Variants in BICD1 observed in about 807,000 individuals in gnomAD.
BICD1 encodes the protein protein bicaudal D homolog 1.
Under a neutral mutation model 92.5 loss-of-function variants are expected in BICD1, and 35 were observed. That is an observed-to-expected ratio of 0.38 (90% CI 0.29 to 0.50). The LOEUF is 0.50. BICD1 is among the 20% of genes least tolerant of loss of function. The pLI is 0.93. For missense variants in BICD1, 950 were observed against 1,189.8 expected (o/e 0.80, Z 2.97); for synonymous variants, 429 against 465.1 (o/e 0.92, Z 1.00).
At chr12:32,340,270 T>C in intron 8 of BICD1, 2 of 985,342 alleles carry the variant, frequency 2.0e-6, no homozygotes, top group Non-Finnish European at 2.4e-6. Flanking sequence ...TGATAATGAG[T>C]TGGAATGGTG....
intron 1 of BICD1, among the ~76,000 whole-genome samples, chr12:32,153,862 T>C (rs1047584461): frequency 6.6e-6 from 1 of 151,414 alleles, no homozygotes; most frequent in Non-Finnish European, 1.5e-5. Flanking sequence ...AAACATCATG[T>C]ATATATGATG....
chr12:32,331,749 G>T (rs1937881888), intron 5 of BICD1, among the ~76,000 whole-genome samples: 1 of 152,150 alleles, frequency 6.6e-6, no homozygotes, highest in Non-Finnish European at 1.5e-5. Context: ...GATTAAGGAT[G>T]CTCAACCTGT....
chr12:32,298,700 G>A (rs1239574), intron 3 of BICD1, among the ~76,000 whole-genome samples: 53,251 of 149,598 alleles, frequency 0.36, 10,106 homozygotes, highest in Non-Finnish European at 0.44. Flanking sequence ...GAGAAACCCC[G>A]TCTCTACTAA....
chr12:32,186,991 T>C (rs1185532390), intron 1 of BICD1, among the ~76,000 whole-genome samples: 1 of 152,200 alleles, frequency 6.6e-6, no homozygotes, highest in East Asian at 1.9e-4. Flanking sequence ...GCTCAGTGAA[T>C]TTGGGCAGGT....
intron 4 of BICD1, among the ~76,000 whole-genome samples, chr12:32,323,809 T>C (rs1948711274): frequency 1.3e-5 from 2 of 152,210 alleles, no homozygotes; most frequent in South Asian, 4.1e-4. Context: ...ACTGAAACCA[T>C]GCAAAACAAA....
intron 2 of BICD1, among the ~76,000 whole-genome samples, chr12:32,228,584 C>T (rs909808592): frequency 1.5e-4 from 23 of 152,140 alleles, no homozygotes; most frequent in African/African-American, 5.6e-4. Context: ...TTACTGCAGT[C>T]ATCCAGATAT....
chr12:32,241,052 T>A (rs1946222590), intron 2 of BICD1, among the ~76,000 whole-genome samples: 1 of 152,160 alleles, frequency 6.6e-6, no homozygotes, highest in African/African-American at 2.4e-5. Context: ...TATTACCCTC[T>A]TATTGTGATG....
chr12:32,172,711 G>C (rs1383437196), intron 1 of BICD1, among the ~76,000 whole-genome samples: 1 of 152,086 alleles, frequency 6.6e-6, no homozygotes, highest in Admixed American at 6.5e-5. Flanking sequence ...TGCTGACCTG[G>C]GTAGGACAGG....
intron 1 of BICD1, among the ~76,000 whole-genome samples, chr12:32,127,999 G>A (rs1942404995): frequency 6.6e-6 from 1 of 151,776 alleles, no homozygotes; most frequent in African/African-American, 2.4e-5. Context: ...TGCCTCCGAG[G>A]CTCCAGTGAT....
intron 8 of BICD1, among the ~76,000 whole-genome samples, chr12:32,360,074 A>G (rs1225457957): frequency 6.6e-6 from 1 of 151,854 alleles, no homozygotes; most frequent in African/African-American, 2.4e-5. Flanking sequence ...AGTCCCAGCT[A>G]CTCGGGAGGC....
At chr12:32,221,279 A>G (rs1359933541) in intron 2 of BICD1, among the ~76,000 whole-genome samples, 1 of 151,596 alleles carries the variant, frequency 6.6e-6, no homozygotes, top group East Asian at 1.9e-4. Flanking sequence ...TTTAAAAAAA[A>G]ATGTAAAATG....
intron 1 of BICD1, among the ~76,000 whole-genome samples, chr12:32,159,458 A>G (rs1025892772): frequency 6.6e-5 from 10 of 152,178 alleles, no homozygotes; most frequent in Non-Finnish European, 1.5e-5. Flanking sequence ...CACACTGCAC[A>G]TCCCAGGACC....
At chr12:32,351,292 C>T (rs1164112862) in intron 8 of BICD1, among the ~76,000 whole-genome samples, 1 of 150,838 alleles carries the variant, frequency 6.6e-6, no homozygotes, top group African/African-American at 2.4e-5. Context: ...TCAAGAGCAG[C>T]CTGGCCAACA....
At chr12:32,296,290 G>A (rs1451125462) in intron 3 of BICD1, among the ~76,000 whole-genome samples, 9 of 119,346 alleles carry the variant, frequency 7.5e-5, no homozygotes, top group East Asian at 2.6e-4. Context: ...ACGGAGTCTC[G>A]CTCCGTCACC....
chr12:32,107,358 G>T lies in BICD1; in HGVS notation c.27G>T (p.Thr9=). The T allele has an allele frequency of 6.2e-7, 1 of 1,608,346 alleles. No individual in the cohort carries two copies. The change falls in exon 1 of 10, where the codon ACG becomes ACT. Residue 9 remains threonine (T), a synonymous_variant. Transcript: ENST00000652176. ...TGGCCGCAGAAGAGGTATTGCAGAC[G>T]GTGGACCATTATAAGACTGAGATAG... MAAEEVLQ[T]VDHYKTEIER... is the part of the protein sequence containing the mutation.
chr12:32,359,390 TG>T (rs141618710), intron 8 of BICD1, among the ~76,000 whole-genome samples: 3,575 of 152,252 alleles, frequency 0.023, 135 homozygotes, highest in African/African-American at 0.08. Flanking sequence ...AGAGCCTTCT[TG>T]CTGGTGGGGA....
At chr12:32,139,932 A>G (rs1942853854) in intron 1 of BICD1, among the ~76,000 whole-genome samples, 1 of 152,158 alleles carries the variant, frequency 6.6e-6, no homozygotes, top group African/African-American at 2.4e-5. Context: ...AGAGTCTTCT[A>G]TAAGGTCTTA....
intron 1 of BICD1, among the ~76,000 whole-genome samples, chr12:32,111,398 C>T (rs1941686638): frequency 6.6e-6 from 1 of 152,184 alleles, no homozygotes. Flanking sequence ...TACCTAGATT[C>T]ATCTTTAAGC....
chr12:32,327,586 C>A lies in BICD1; in HGVS notation c.1131C>A (p.Ala377=). The A allele has an allele frequency of 6.2e-7, 1 of 1,614,096 alleles. No homozygotes were observed. The highest frequency in any genetic ancestry group is 8.5e-7 in the Non-Finnish European group (1 of 1,180,024). ...ACCGGCTCACAGAGCACGTCAATGC[C>A]ATGAGGGGCCTGCAAAGCAGCAAGG... ...RVHRLTEHVN[A]MRGLQSSKEL... is the part of the protein sequence containing the mutation. The change falls in exon 5 of 10, where the codon GCC becomes GCA. Residue 377 remains alanine (A), a synonymous_variant. Coordinates refer to ENST00000652176, the MANE Select transcript of BICD1 (RefSeq NM_001714.4).
Sources: gnomAD v4.1 joint callset for allele counts (sites outside exome capture counted in the v4.1 genomes callset) on GRCh38, gnomAD v4.1.1 for gene constraint, MANE v1.5 for transcripts, NCBI Gene and HGNC (gene_info 2026-07-23, HGNC 2026-07-21) for gene names.